The following ING3 variants were observed in gnomAD, a reference collection of about 807,000 sequenced individuals.
The protein encoded by ING3 is inhibitor of growth protein 3.
ING3 carries 6 observed loss-of-function variants against 64.8 expected under a neutral mutation model. That is an observed-to-expected ratio of 0.09 (90% CI 0.05 to 0.18). ING3 has a LOEUF of 0.18. Among genes scored for constraint, ING3 ranks in the 10% least tolerant of loss-of-function variants. The pLI is 1.00. For synonymous variants in ING3, 170 were observed against 173.7 expected, an observed-to-expected ratio of 0.98 and a Z score of 0.17; for missense variants, 310 against 489.7, an observed-to-expected ratio of 0.63 and a Z score of 3.46.
At chr7:120,958,124 C>T (rs1000638798) in intron 4 of ING3, among the ~76,000 whole-genome samples, 2 of 152,148 alleles carry the variant, frequency 1.3e-5, no homozygotes, top group Non-Finnish European at 2.9e-5. Flanking sequence ...ATCTCTGAGG[C>T]TTCTTTTTGT....
rs369026739 is a variant in ING3, at chr7:120,959,224, C to G, written c.267+3600C>G. On this transcript the variant is annotated intron_variant, in intron 4 of 11. Coordinates refer to ENST00000315870, the MANE Select transcript of ING3 (RefSeq NM_019071.3). ...GTTCTCACATGAAGGTGATTGTCTT[C>G]CCCTCTTCTACCTGCCAAGAGGGCC... Among the ~76,000 whole-genome samples the G allele has an allele frequency of 1.7e-4, 26 of 152,268 alleles. No individual in the cohort carries two copies. The East Asian group carries it at 3.1e-3, about 18-fold the overall frequency.
At position 120,976,577 on chromosome 7, in the gene ING3, C is replaced by T. The variant is rs1193048811; in HGVS notation, c.*1733C>T. The T allele has an allele frequency of 2.0e-5, 3 of 152,050 alleles. No homozygotes were observed. The highest frequency in any genetic ancestry group is 4.4e-5 in the Non-Finnish European group (3 of 68,022). The allele number at this position is 152,050 out of a possible 1,614,324, so 9.4% of individuals were successfully genotyped here. A position where few individuals can be genotyped will look rare whatever the true frequency, so the allele number is the denominator to read the frequency against. On this transcript the variant is annotated 3_prime_UTR_variant, in exon 12 of 12. Transcript: ENST00000315870. The stretch of plus-strand genomic sequence containing the variant: ...GTGATAAATAATGTAGTATTCAATT[C>T]GTTTATCAAAGTATATTGCCTGGAA...
chr7:120,967,747 C>A, intron 7 of ING3, 99 bp downstream of exon 7: 1 of 1,338,692 alleles, frequency 7.5e-7, no homozygotes, highest in South Asian at 1.5e-5. Flanking sequence ...GTTTCTTTAC[C>A]TGGTTAAAGT....
chr7:120,951,291 C>G, intron 2 of ING3, 56 bp downstream of exon 2: 5 of 1,481,572 alleles, frequency 3.4e-6, no homozygotes, highest in Non-Finnish European at 4.7e-6. Flanking sequence ...GCCAGACTTG[C>G]TTGTCATCAC....
chr7:120,973,293 A>T (rs1796092406), intron 11 of ING3, 50 bp downstream of exon 11: 1 of 1,178,090 alleles, frequency 8.5e-7, no homozygotes. Context: ...ACAGGTTGTT[A>T]TTACTTGAAT....
intron 11 of ING3, among the ~76,000 whole-genome samples, chr7:120,974,211 T>C (rs1489961596): frequency 6.6e-6 from 1 of 150,882 alleles, no homozygotes; most frequent in East Asian, 1.9e-4. Flanking sequence ...AAGACTTTCA[T>C]GAAAGAGTTT....
chr7:120,964,918 T>G, intron 5 of ING3, 80 bp downstream of exon 5: 1 of 1,148,660 alleles, frequency 8.7e-7, no homozygotes. Flanking sequence ...CCACAGAGGC[T>G]TTTGAAATCC....
chr7:120,968,019 C>T lies in ING3; in HGVS notation c.642C>T (p.Gly214=). 1 of 1,614,062 alleles carries T rather than the reference C, an allele frequency of 6.2e-7. No homozygotes were observed. Among genetic ancestry groups the T allele is most frequent in the Non-Finnish European group, 8.5e-7 (1 of 1,179,978 alleles). The part of the protein sequence containing the change: ...SSQPLGSYNI[G]SLSSGTGAGA... ...AACCTCTGGGATCCTATAACATTGG[C>T]TCGTTATCTTCAGGAACTGGTGCAG... Residue 214 remains glycine, a synonymous_variant, in exon 8 of 12, where the codon GGC becomes GGT. Coordinates refer to ENST00000315870, the MANE Select transcript of ING3 (RefSeq NM_019071.3).
At chr7:120,956,750 C>T in intron 4 of ING3, 1 of 971,976 alleles carries the variant, frequency 1.0e-6, no homozygotes, top group Non-Finnish European at 1.2e-6. Flanking sequence ...TAGAAAAAGG[C>T]ATTTACATTT....
At position 120,968,037 on chromosome 7, in the gene ING3, T is replaced by A. The variant is rs781487800; in HGVS notation, c.660T>A (p.Thr220=). Residue 220 remains threonine, a synonymous_variant, in exon 8 of 12, where the codon ACT becomes ACA. Coordinates refer to ENST00000315870, the MANE Select transcript of ING3 (RefSeq NM_019071.3). The part of the protein sequence containing the change: ...SYNIGSLSSG[T]GAGAITMAAA... ...ACATTGGCTCGTTATCTTCAGGAACTGGTGCAGGGGCAATTACCATGGCAG... is the reference window on the plus strand; with the variant it reads ...ACATTGGCTCGTTATCTTCAGGAACAGGTGCAGGGGCAATTACCATGGCAG... 1.9e-6 allele frequency: 3 copies of A among 1,614,048 alleles called. No homozygotes were observed. The highest frequency in any genetic ancestry group is 2.5e-6 in the Non-Finnish European group (3 of 1,180,032).
intron 4 of ING3, among the ~76,000 whole-genome samples, chr7:120,957,759 A>G (rs1013899269): frequency 6.6e-6 from 1 of 152,236 alleles, no homozygotes; most frequent in East Asian, 1.9e-4. Context: ...AAGGCGAGGT[A>G]GTAAATTTAA....
intron 4 of ING3, among the ~76,000 whole-genome samples, chr7:120,957,195 C>A (rs1795861725): frequency 6.6e-6 from 1 of 151,962 alleles, no homozygotes; most frequent in South Asian, 2.1e-4. Flanking sequence ...CATGGTGAAA[C>A]CCCATCTCTA....
At chr7:120,957,487 G>T (rs977439414) in intron 4 of ING3, among the ~76,000 whole-genome samples, 9 of 152,126 alleles carry the variant, frequency 5.9e-5, no homozygotes, top group Admixed American at 5.9e-4. Context: ...ACAGAAACAT[G>T]TAATAAACAT....
intron 4 of ING3, among the ~76,000 whole-genome samples, chr7:120,957,371 T>TAA (rs35872651): frequency 3.4e-4 from 47 of 139,270 alleles, no homozygotes; most frequent in African/African-American, 1.1e-3. Flanking sequence ...GACTCTGTCT[T>TAA]AAAAAAAAAA....
chr7:120,950,868 C>T lies in ING3; in HGVS notation c.-29C>T, dbSNP rs777821329. ...AGTGACACAAATAAACCCCTGGACC[C>T]CCTTGTTCCCTCAGCTCTAAGGGCC... On this transcript the variant is annotated 5_prime_UTR_variant, in exon 1 of 12. Coordinates refer to ENST00000315870, the MANE Select transcript of ING3 (RefSeq NM_019071.3). The T allele has an allele frequency of 3.7e-6, 6 of 1,613,622 alleles. No individual in the cohort carries two copies. In the South Asian group the frequency reaches 6.6e-5, roughly 18 times the overall value.
intron 4 of ING3, among the ~76,000 whole-genome samples, chr7:120,960,086 A>T (rs1290575717): frequency 6.6e-6 from 1 of 152,204 alleles, no homozygotes; most frequent in Non-Finnish European, 1.5e-5. Context: ...GTCTAAGGAG[A>T]TGACGTTTGA....
At position 120,970,753 on chromosome 7, in the gene ING3, GTTC is replaced by G. The variant is rs1227391465; in HGVS notation, c.978_980del (p.Ser329del). 1.9e-6 allele frequency: 3 copies of G among 1,612,998 alleles called. No homozygotes were observed. The highest frequency in any genetic ancestry group is 2.7e-5 in the African/African-American group (2 of 74,964). On this transcript the variant is annotated inframe_deletion, in exon 10 of 12. Coordinates refer to ENST00000315870, the MANE Select transcript of ING3 (RefSeq NM_019071.3). ...TCCTCCTCTTCTTCCTTATCATCGTGTTCTTCATCATCAACTGTTGTACAAGAA... is the reference window on the plus strand; with the variant it reads ...TCCTCCTCTTCTTCCTTATCATCGTGTTCATCATCAACTGTTGTACAAGAA...
chr7:120,967,509 A>C lies in ING3; in HGVS notation c.437-20A>C. ...GTTCTCTAAAGTTTAAAAACACATG[A>C]ATTTTTTATTTATATTTAGAAAGGA... On this transcript the variant is annotated intron_variant, in intron 6 of 11. Transcript: ENST00000315870. 1.3e-6 allele frequency: 2 copies of C among 1,490,174 alleles called. No homozygotes were observed. Among genetic ancestry groups the C allele is most frequent in the Non-Finnish European group, 1.8e-6 (2 of 1,093,046 alleles). The allele number at this position is 1,490,174 out of a possible 1,614,324, so 92.3% of individuals were successfully genotyped here.
At chr7:120,962,316 G>C (rs1418660425) in intron 4 of ING3, among the ~76,000 whole-genome samples, 1 of 151,940 alleles carries the variant, frequency 6.6e-6, no homozygotes, top group East Asian at 1.9e-4. Flanking sequence ...AAGTAAGAAT[G>C]ATTGGAAGCC....
Sources: allele counts gnomAD v4.1 joint callset (sites outside exome capture counted in the v4.1 genomes callset), GRCh38; gene constraint gnomAD v4.1.1; transcripts MANE v1.5; gene names NCBI Gene and HGNC (gene_info 2026-07-23, HGNC 2026-07-21).